The following OGFR variants were observed in gnomAD, a reference collection of about 807,000 sequenced individuals.
OGFR encodes protein 7-60.
OGFR carries 18 observed loss-of-function variants against 33.6 expected under a neutral mutation model. The ratio of observed to expected loss-of-function variants is 0.54; its 90% confidence interval spans 0.37 to 0.80. OGFR has a LOEUF of 0.80. Ranked by LOEUF, OGFR falls within the 30% of genes least tolerant of loss-of-function variation. The pLI, the probability that OGFR is intolerant of heterozygous loss-of-function variation, is 0.00. For synonymous variants in OGFR, 370 were observed against 400.7 expected (o/e 0.92, Z 0.91); for missense variants, 877 against 955.8 (o/e 0.92, Z 1.09).
intron 3 of OGFR, 127 bp from the exon 4 acceptor site, chr20:62,809,458 G>A (rs1454020475): frequency 2.8e-6 from 2 of 715,630 alleles, no homozygotes; most frequent in Admixed American, 1.9e-5. Flanking sequence ...CTCAGGAGAT[G>A]AGGGCGAGGA....
intron 3 of OGFR, among the ~76,000 whole-genome samples, chr20:62,808,770 G>A (rs1990654463): frequency 6.6e-6 from 1 of 152,096 alleles, no homozygotes. Flanking sequence ...TCATGAGTTC[G>A]AGACCAGCCT....
At position 62,809,568 on chromosome 20, in the gene OGFR, C is replaced by A; in HGVS notation, c.320-17C>A. 1 of 1,609,146 alleles carries A rather than the reference C, an allele frequency of 6.2e-7. No individual in the cohort carries two copies. The highest frequency in any genetic ancestry group is 1.1e-5 in the South Asian group (1 of 91,014). On this transcript the variant is annotated splice_polypyrimidine_tract_variant and intron_variant, in intron 3 of 6. Coordinates refer to ENST00000290291, the MANE Select transcript of OGFR (RefSeq NM_007346.4). ...AGGGTGGCTGCCACAGCTGACTTGTCCCCATGGGGCTCCCAGGCTGTTTCA... is the reference window on the plus strand; with the variant it reads ...AGGGTGGCTGCCACAGCTGACTTGTACCCATGGGGCTCCCAGGCTGTTTCA...
At chr20:62,807,423 CGCCCTT>C in intron 1 of OGFR, 108 bp from the exon 2 acceptor site, 1 of 870,586 alleles carries the variant, frequency 1.1e-6, no homozygotes, top group South Asian at 1.5e-5. Context: ...ATGAAACCCC[CGCCCTT>C]TAAAGACAGC....
chr20:62,811,397 C>T (rs913464126), intron 5 of OGFR, 65 bp from the exon 6 acceptor site: 2 of 1,577,970 alleles, frequency 1.3e-6, no homozygotes, highest in Non-Finnish European at 1.7e-6. Context: ...CCCACGGCCA[C>T]CCCCACACTC....
intron 4 of OGFR, among the ~76,000 whole-genome samples, chr20:62,810,195 A>G (rs1224073614): frequency 6.6e-6 from 1 of 152,152 alleles, no homozygotes; most frequent in African/African-American, 2.4e-5. Context: ...AAGAGTGAGG[A>G]GTAGAAAGGA....
rs987961752 is a variant in OGFR, at chr20:62,810,500, C to A, written c.400C>A (p.Leu134Met). 6 of 1,613,154 alleles carry A rather than the reference C, an allele frequency of 3.7e-6. No homozygotes were observed. Among genetic ancestry groups the A allele is most frequent in the Non-Finnish European group, 5.1e-6 (6 of 1,179,840 alleles). Residue 134 changes from leucine to methionine, a missense_variant and splice_region_variant, in exon 5 of 7, where the codon CTG (leucine) becomes ATG (methionine). Around this residue, in one of 3 missense-constraint regions of OGFR, gnomAD observed 760 missense variants for 736.0 expected, o/e 1.03. Coordinates refer to ENST00000290291, the MANE Select transcript of OGFR (RefSeq NM_007346.4). Reference protein sequence around the residue: ...LEDNHSYIQWLFPLREPGVNW... With the variant: ...LEDNHSYIQWMFPLREPGVNW... Reference sequence around the variant, plus strand: ...GCCTGAGCATCTCTTCTCCTGCAGGCTGTTTCCTCTGCGAGAACCAGGAGT... The same window carrying A: ...GCCTGAGCATCTCTTCTCCTGCAGGATGTTTCCTCTGCGAGAACCAGGAGT...
chr20:62,808,127 G>T, intron 2 of OGFR, 120 bp from the exon 3 acceptor site: 1 of 812,750 alleles, frequency 1.2e-6, no homozygotes, highest in South Asian at 1.3e-5. Context: ...AGCCAGGCGG[G>T]CTCTTGGGGT....
At chr20:62,807,911 C>T in intron 2 of OGFR, 1 of 599,400 alleles carries the variant, frequency 1.7e-6, no homozygotes. Context: ...ACACAGCACC[C>T]CACCCCCATG....
intron 1 of OGFR, 131 bp downstream of exon 1, chr20:62,805,161 C>T (rs1568735778): frequency 1.8e-5 from 11 of 628,388 alleles, no homozygotes; most frequent in South Asian, 6.4e-5. Context: ...CCGGGGACCC[C>T]CCCCCAGACC....
chr20:62,809,571 C>A lies in OGFR; in HGVS notation c.320-14C>A. On this transcript the variant is annotated splice_polypyrimidine_tract_variant and intron_variant, in intron 3 of 6. Coordinates refer to ENST00000290291, the MANE Select transcript of OGFR (RefSeq NM_007346.4). ...GTGGCTGCCACAGCTGACTTGTCCC[C>A]ATGGGGCTCCCAGGCTGTTTCATTG... 2 of 1,610,338 alleles carry A rather than the reference C, an allele frequency of 1.2e-6. No homozygotes were observed. Among genetic ancestry groups the A allele is most frequent in the South Asian group, 2.2e-5 (2 of 91,018 alleles).
chr20:62,809,716 G>T, intron 4 of OGFR, 53 bp downstream of exon 4: 2 of 1,358,098 alleles, frequency 1.5e-6, no homozygotes, highest in Non-Finnish European at 2.1e-6. Flanking sequence ...CAGGGGGAGG[G>T]CCCTCCCAGG....
Position 62,812,489 on chromosome 20 carries a change from C to A in OGFR, c.874C>A (p.Leu292Met). The change falls in exon 7 of 7, where the codon CTG becomes ATG. Residue 292 changes from leucine (L) to methionine (M), a missense_variant. By Grantham distance (15) the Leu-to-Met change is conservative. Coordinates refer to ENST00000290291, the MANE Select transcript of OGFR (RefSeq NM_007346.4). ...GTTCGTCTGGGGGCCCCAAGACAAG[C>A]TGCGGAGGTTCAAGCCCAGCTCTCT... Reference protein sequence around the residue: ...CKFVWGPQDKLRRFKPSSLPH... With the variant: ...CKFVWGPQDKMRRFKPSSLPH... 1.3e-6 allele frequency: 2 copies of A among 1,580,790 alleles called. No homozygotes were observed. The highest frequency in any genetic ancestry group is 1.7e-6 in the Non-Finnish European group (2 of 1,164,012).
In OGFR at chr20:62,813,560, C is replaced by A; in HGVS notation, c.1945C>A (p.Pro649Thr). The part of the protein sequence containing the change: ...SETPGPSPAG[P>T]TRDEPAKAGE... ...GACCCCAGGCCCCAGCCCGGCAGGACCTACAAGGGATGAGCCAGCCAAGGC... is the reference window on the plus strand; with the variant it reads ...GACCCCAGGCCCCAGCCCGGCAGGAACTACAAGGGATGAGCCAGCCAAGGC... The change falls in exon 7 of 7, where the codon CCT becomes ACT. Residue 649 changes from proline (P) to threonine (T), a missense_variant. By Grantham distance (38) the Pro-to-Thr change is conservative. Transcript: ENST00000290291. 6.2e-7 allele frequency: 1 copy of A among 1,610,320 alleles called. No homozygotes were observed. The highest frequency in any genetic ancestry group is 8.5e-7 in the Non-Finnish European group (1 of 1,178,710).
In OGFR at chr20:62,813,183, G is replaced by A. The variant is rs753710866; in HGVS notation, c.1568G>A (p.Gly523Asp). 5.2e-6 allele frequency: 8 copies of A among 1,528,668 alleles called. No homozygotes were observed. Among genetic ancestry groups the A allele is most frequent in the Non-Finnish European group, 7.1e-6 (8 of 1,119,572 alleles). 94.7% of individuals were successfully genotyped at this position (1,528,668 alleles called of 1,614,324 possible). Residue 523 changes from glycine (G) to aspartate (D), a missense_variant, in exon 7 of 7, where the codon GGC becomes GAC. Around this residue, in one of 3 missense-constraint regions of OGFR, gnomAD observed 760 missense variants for 736.0 expected, o/e 1.03. Coordinates refer to ENST00000290291, the MANE Select transcript of OGFR (RefSeq NM_007346.4). ...GTPGSPSETP[G>D]PSPAGPAGDE... Reference sequence around the variant, plus strand: ...CCTGGGAGCCCATCGGAGACCCCAGGCCCCAGCCCAGCAGGACCTGCAGGG... The same window carrying A: ...CCTGGGAGCCCATCGGAGACCCCAGACCCCAGCCCAGCAGGACCTGCAGGG...
At chr20:62,808,405 T>G (rs1990645869) in intron 3 of OGFR, 80 bp downstream of exon 3, 1 of 1,083,110 alleles carries the variant, frequency 9.2e-7, no homozygotes, top group Non-Finnish European at 1.4e-6. Context: ...TGGTTTGGGA[T>G]GTACCCGGCG....
chr20:62,809,559 C>G (rs1199022651), intron 3 of OGFR, 26 bp from the exon 4 acceptor site: 11 of 1,601,706 alleles, frequency 6.9e-6, no homozygotes, highest in Non-Finnish European at 9.4e-6. Flanking sequence ...GCTGCCACAG[C>G]TGACTTGTCC....
Position 62,813,804 on chromosome 20 carries a change from C to A in OGFR, c.*155C>A. The A allele has an allele frequency of 2.3e-6, 2 of 883,374 alleles. No individual in the cohort carries two copies. Among genetic ancestry groups the A allele is most frequent in the South Asian group, 1.7e-5 (1 of 60,262 alleles). The allele number at this position is 883,374 out of a possible 1,614,324, so 54.7% of individuals were successfully genotyped here. The stretch of plus-strand genomic sequence containing the variant: ...CCTGTGGGGCCACTATAGCAGCCAC[C>A]AGAAGCCGCGAGGCCCTCAGGGAAG... On this transcript the variant is annotated 3_prime_UTR_variant, in exon 7 of 7. Transcript: ENST00000290291.
intron 1 of OGFR, among the ~76,000 whole-genome samples, 154 bp downstream of exon 1, chr20:62,805,184 G>A (rs927646029): frequency 6.6e-6 from 1 of 151,272 alleles, no homozygotes; most frequent in Non-Finnish European, 1.5e-5. Flanking sequence ...CCGACCCCCA[G>A]CCCCAGGGCC....
In OGFR at chr20:62,807,613, C is replaced by T; in HGVS notation, c.240+8C>T. ...TATCGGCACAACTATCCGGTACGTA[C>T]CTGCCCCTGCCCCGGGACACAGAAC... On this transcript the variant is annotated splice_region_variant and intron_variant, in intron 2 of 6. Transcript: ENST00000290291. The T allele has an allele frequency of 6.2e-7, 1 of 1,608,642 alleles. No individual in the cohort carries two copies. The highest frequency in any genetic ancestry group is 8.5e-7 in the Non-Finnish European group (1 of 1,177,632).
Sources: allele counts gnomAD v4.1 joint callset (sites outside exome capture counted in the v4.1 genomes callset), GRCh38; gene constraint gnomAD v4.1.1; regional missense constraint gnomAD v4.1.1; transcripts MANE v1.5; gene names NCBI Gene and HGNC (gene_info 2026-07-23, HGNC 2026-07-21).